The following MAF variants were observed in gnomAD, a reference collection of about 807,000 sequenced individuals.
MAF encodes transcription factor Maf.
Under a neutral mutation model 22.0 loss-of-function variants are expected in MAF, and 10 were observed. The ratio of observed to expected loss-of-function variants is 0.45; its 90% CI spans 0.28 to 0.77. MAF has a LOEUF of 0.77. MAF is among the 30% of genes least tolerant of loss of function. The probability of loss-of-function intolerance (pLI) is 0.12; values close to 1 mark genes in which losing one functional copy is unlikely to be tolerated. For synonymous variants in MAF, 337 were observed against 255.8 expected, an observed-to-expected ratio of 1.32 and a Z score of -3.03; for missense variants, 544 against 548.4, an observed-to-expected ratio of 0.99 and a Z score of 0.08.
chr16:79,529,873 A>C, the MAF span, among the ~76,000 whole-genome samples: 6 of 151,984 alleles, frequency 3.9e-5, no homozygotes, highest in East Asian at 9.7e-4. Flanking sequence ...AGGCAGGAGA[A>C]TCGCTTGAAC....
At chr16:79,286,692 G>A in the MAF span, among the ~76,000 whole-genome samples, 7 of 152,180 alleles carry the variant, frequency 4.6e-5, no homozygotes, top group Admixed American at 1.3e-4. Context: ...GCTACCCACA[G>A]ACATTCCCAC....
the MAF span, among the ~76,000 whole-genome samples, chr16:79,417,783 A>T: frequency 6.6e-6 from 1 of 152,144 alleles, no homozygotes; most frequent in Non-Finnish European, 1.5e-5. Context: ...TTTTGGATAA[A>T]ATATCTCAGG....
the MAF span, among the ~76,000 whole-genome samples, chr16:79,570,055 T>C: frequency 6.7e-6 from 1 of 149,768 alleles, no homozygotes; most frequent in South Asian, 2.1e-4. Flanking sequence ...TTGATTTATC[T>C]AAATTTCTTC....
At chr16:79,337,703 C>T in the MAF span, among the ~76,000 whole-genome samples, 2 of 152,190 alleles carry the variant, frequency 1.3e-5, no homozygotes, top group Non-Finnish European at 2.9e-5. Context: ...CACACACAAA[C>T]ACAATACATA....
chr16:79,507,470 G>T, the MAF span, among the ~76,000 whole-genome samples: 3 of 149,160 alleles, frequency 2.0e-5, no homozygotes, highest in African/African-American at 7.4e-5. Flanking sequence ...TGTTGCCCAG[G>T]CTGGAGTGCA....
chr16:79,308,922 T>C, the MAF span, among the ~76,000 whole-genome samples: 1 of 152,172 alleles, frequency 6.6e-6, no homozygotes, highest in Admixed American at 6.5e-5. Flanking sequence ...TTAGAAAGCG[T>C]GGGCCCTTCT....
chr16:79,537,770 T>C, the MAF span, among the ~76,000 whole-genome samples: 1 of 152,178 alleles, frequency 6.6e-6, no homozygotes, highest in East Asian at 1.9e-4. Flanking sequence ...ACAGCTGTTA[T>C]CTTTTTTACT....
the MAF span, among the ~76,000 whole-genome samples, chr16:79,517,650 C>G: frequency 6.8e-6 from 1 of 147,068 alleles, no homozygotes; most frequent in Non-Finnish European, 1.5e-5. Flanking sequence ...TCTTGGCTCA[C>G]TGCAATCTCT....
chr16:79,355,675 G>A, the MAF span, among the ~76,000 whole-genome samples: 1 of 152,306 alleles, frequency 6.6e-6, no homozygotes, highest in African/African-American at 2.4e-5. Flanking sequence ...GTTGTTTCTA[G>A]TACTCAAGAG....
At chr16:79,462,720 T>A in the MAF span, among the ~76,000 whole-genome samples, 1 of 152,242 alleles carries the variant, frequency 6.6e-6, no homozygotes, top group Admixed American at 6.5e-5. Flanking sequence ...CATTTCCTCT[T>A]GTGACCCATG....
At chr16:79,478,942 C>A in the MAF span, among the ~76,000 whole-genome samples, 3 of 152,100 alleles carry the variant, frequency 2.0e-5, no homozygotes, top group Admixed American at 1.3e-4. Flanking sequence ...ACCACCCCAG[C>A]ACACCTGTAC....
chr16:79,511,662 G>C, the MAF span, among the ~76,000 whole-genome samples: 1 of 152,142 alleles, frequency 6.6e-6, no homozygotes, highest in Non-Finnish European at 1.5e-5. Flanking sequence ...ATATATCTCT[G>C]CCATTTATTG....
chr16:79,389,970 C>A, the MAF span, among the ~76,000 whole-genome samples: 1 of 86,976 alleles, frequency 1.1e-5, no homozygotes, highest in Non-Finnish European at 2.2e-5. Context: ...CAGCGAGACT[C>A]CATCTCAAAA....
At chr16:79,506,931 C>T in the MAF span, among the ~76,000 whole-genome samples, 1 of 152,126 alleles carries the variant, frequency 6.6e-6, no homozygotes, top group Non-Finnish European at 1.5e-5. Flanking sequence ...CAGCACTGGA[C>T]TTAGAGGGGT....
At chr16:79,495,831 A>G in the MAF span, among the ~76,000 whole-genome samples, 1 of 152,218 alleles carries the variant, frequency 6.6e-6, no homozygotes, top group Non-Finnish European at 1.5e-5. Flanking sequence ...AGCACCAGCC[A>G]CACGTCAAGC....
the MAF span, among the ~76,000 whole-genome samples, chr16:79,418,364 C>A: frequency 6.6e-6 from 1 of 152,134 alleles, no homozygotes; most frequent in African/African-American, 2.4e-5. Flanking sequence ...TGTTCAGCCA[C>A]ACAAAGCCTG....
At chr16:79,537,771 C>G in the MAF span, among the ~76,000 whole-genome samples, 1 of 152,114 alleles carries the variant, frequency 6.6e-6, no homozygotes, top group African/African-American at 2.4e-5. Context: ...CAGCTGTTAT[C>G]TTTTTTACTC....
chr16:79,449,354 A>G, the MAF span, among the ~76,000 whole-genome samples: 1 of 152,138 alleles, frequency 6.6e-6, no homozygotes, highest in Admixed American at 6.5e-5. Flanking sequence ...CATAACTTTT[A>G]TATGCAGTGA....
the MAF span, among the ~76,000 whole-genome samples, chr16:79,518,133 G>A: frequency 0.83 from 127,109 of 152,228 alleles, 53,371 homozygotes; most frequent in East Asian, 0.91. Flanking sequence ...ACAGCCCACA[G>A]TATCTCCCAT....
Sources: allele counts gnomAD v4.1 joint callset (sites outside exome capture counted in the v4.1 genomes callset), GRCh38; gene constraint gnomAD v4.1.1; transcripts MANE v1.5; gene names NCBI Gene and HGNC (gene_info 2026-07-23, HGNC 2026-07-21).